OTOGL: variants seen among roughly 807,000 people sequenced by gnomAD.
The protein encoded by OTOGL is otogelin like.
OTOGL carries 285 observed loss-of-function variants against 318.5 expected under a neutral mutation model. The ratio of observed to expected loss-of-function variants is 0.89; its 90% confidence interval spans 0.81 to 0.99. OTOGL has a LOEUF of 0.99. Among genes scored for constraint, OTOGL ranks in the 50% least tolerant of loss-of-function variants. The pLI is 0.00. For missense variants in OTOGL, 2,899 were observed against 2,845.6 expected (o/e 1.02, Z -0.43); for synonymous variants, 987 against 936.5 (o/e 1.05, Z -0.99).
intron 35 of OTOGL, among the ~76,000 whole-genome samples, chr12:80,327,096 A>C (rs1887721416): frequency 6.6e-6 from 1 of 152,244 alleles, no homozygotes; most frequent in Non-Finnish European, 1.5e-5. Context: ...AGTATGTAGT[A>C]ATATAATAAT....
At chr12:80,130,988 C>T (rs1871203829) in intron 1 of OTOGL, 1 of 152,122 alleles carries the variant, frequency 6.6e-6, no homozygotes, top group Admixed American at 6.6e-5. Context: ...TCATTCCCCC[C>T]AAAGGGTTTG....
chr12:80,240,879 ATAAT>A (rs764004226), intron 11 of OTOGL, among the ~76,000 whole-genome samples: 8 of 152,110 alleles, frequency 5.3e-5, no homozygotes, highest in Admixed American at 1.3e-4. Context: ...TAAATTACTC[ATAAT>A]TAAAGTTTTT....
chr12:80,172,616 T>C (rs1174557430), intron 1 of OTOGL, among the ~76,000 whole-genome samples: 2 of 151,642 alleles, frequency 1.3e-5, no homozygotes, highest in Admixed American at 6.6e-5. Context: ...GTTTTTTTTT[T>C]CCTATCTTAT....
chr12:80,169,629 C>T (rs994835593), intron 1 of OTOGL, among the ~76,000 whole-genome samples: 14 of 152,128 alleles, frequency 9.2e-5, no homozygotes, highest in Admixed American at 2.0e-4. Context: ...CACAATAAAT[C>T]GGTTTTGTCA....
At chr12:80,297,096 G>T (rs1292427299) in intron 27 of OTOGL, 135 bp downstream of exon 27, 1 of 767,438 alleles carries the variant, frequency 1.3e-6, no homozygotes, top group South Asian at 3.7e-5. Flanking sequence ...ATTTTGCGTG[G>T]CTTCAGTACA....
chr12:80,343,490 TTTA>T (rs953842703), intron 44 of OTOGL: 1 of 146,070 alleles, frequency 6.8e-6, no homozygotes, highest in African/African-American at 2.5e-5. Flanking sequence ...TTTTTACATT[TTTA>T]TTATTTTTTA....
Position 80,263,162 on chromosome 12 carries a change from C to T in OTOGL, c.2014+1069C>T, listed in dbSNP as rs190345813. Among the ~76,000 whole-genome samples, 514 of 152,160 alleles carry T rather than the reference C, an allele frequency of 3.4e-3. 2 individuals carry two copies. The highest frequency in any genetic ancestry group is 0.011 in the African/African-American group (477 of 41,516). ...ATCATTTTTCTTATCTATAATAACA[C>T]GGCTAGACTAGAGTTTTTTAGTTTC... is the stretch of plus-strand genomic sequence containing the variant. On this transcript the variant is annotated intron_variant, in intron 19 of 58. Transcript: ENST00000547103.
chr12:80,374,529 T>C (rs768863532), intron 57 of OTOGL, among the ~76,000 whole-genome samples: 17 of 152,322 alleles, frequency 1.1e-4, no homozygotes, highest in African/African-American at 3.4e-4. Context: ...AATAAGCACG[T>C]TTTCATTCAG....
At chr12:80,356,769 T>C (rs778444170) in intron 48 of OTOGL, 38 bp from the exon 49 acceptor site, 6 of 1,292,166 alleles carry the variant, frequency 4.6e-6, no homozygotes, top group South Asian at 2.9e-5. Flanking sequence ...TTTTTTATTA[T>C]GCTATACAAA....
intron 2 of OTOGL, 70 bp downstream of exon 2, chr12:80,209,580 G>A: frequency 9.2e-7 from 1 of 1,089,572 alleles, no homozygotes; most frequent in Non-Finnish European, 1.3e-6. Context: ...TATACAAATA[G>A]TTTTCCCTTA....
intron 1 of OTOGL, among the ~76,000 whole-genome samples, chr12:80,128,642 A>G (rs1244246786): frequency 1.3e-5 from 2 of 152,168 alleles, no homozygotes; most frequent in African/African-American, 4.8e-5. Flanking sequence ...ACAGAGGTGG[A>G]GTCTACAGAG....
intron 1 of OTOGL, among the ~76,000 whole-genome samples, chr12:80,115,723 C>T (rs548039373): frequency 6.6e-6 from 1 of 152,266 alleles, no homozygotes; most frequent in East Asian, 1.9e-4. Flanking sequence ...GGGGCTGCTG[C>T]CTTTCTTTTT....
At chr12:80,339,989 C>T (rs1383577474) in intron 43 of OTOGL, among the ~76,000 whole-genome samples, 3 of 152,108 alleles carry the variant, frequency 2.0e-5, no homozygotes, top group Non-Finnish European at 4.4e-5. Flanking sequence ...AAGAGAATGT[C>T]AGTTTCCTCA....
At chr12:80,357,476 C>CA in intron 49 of OTOGL, among the ~76,000 whole-genome samples, 1 of 151,658 alleles carries the variant, frequency 6.6e-6, no homozygotes, top group Non-Finnish European at 1.5e-5. Flanking sequence ...CAGAAGTAAT[C>CA]AAAACAATTT....
chr12:80,261,879 G>A (rs1555287134), intron 18 of OTOGL, 90 bp from the exon 19 acceptor site: 3 of 1,408,604 alleles, frequency 2.1e-6, no homozygotes, highest in South Asian at 1.6e-5. Flanking sequence ...TGTACATTAT[G>A]AAAAATAGTA....
At chr12:80,348,088 G>A (rs1475551005) in intron 44 of OTOGL, among the ~76,000 whole-genome samples, 2 of 152,130 alleles carry the variant, frequency 1.3e-5, no homozygotes, top group Admixed American at 6.6e-5. Context: ...TCACTCTGAC[G>A]ATAGTTTCTT....
intron 11 of OTOGL, among the ~76,000 whole-genome samples, chr12:80,250,973 T>G (rs1881490802): frequency 6.6e-6 from 1 of 152,232 alleles, no homozygotes; most frequent in Non-Finnish European, 1.5e-5. Context: ...GATTATTTAG[T>G]CTTGGCAATG....
At chr12:80,272,077 G>A (rs1236182200) in intron 24 of OTOGL, among the ~76,000 whole-genome samples, 2 of 152,240 alleles carry the variant, frequency 1.3e-5, no homozygotes, top group East Asian at 3.9e-4. Flanking sequence ...TTGAGAAAGT[G>A]ACACAATTAA....
chr12:80,310,774 G>GC, intron 30 of OTOGL, 47 bp downstream of exon 30: 1 of 1,440,560 alleles, frequency 6.9e-7, no homozygotes, highest in South Asian at 1.2e-5. Context: ...ATGTTCTACT[G>GC]TGTCTATAAT....
Sources: gnomAD v4.1 joint callset for allele counts (sites outside exome capture counted in the v4.1 genomes callset) on GRCh38, gnomAD v4.1.1 for gene constraint, MANE v1.5 for transcripts, NCBI Gene and HGNC (gene_info 2026-07-23, HGNC 2026-07-21) for gene names.